TPX2: variants seen among roughly 807,000 people sequenced by gnomAD.
TPX2 encodes the protein TPX2 microtubule nucleation factor.
In TPX2, 21 loss-of-function variants were observed where a neutral mutation model predicts 93.6. That is an observed-to-expected ratio of 0.22 (90% CI 0.16 to 0.32). TPX2 has a LOEUF of 0.32. Ranked by LOEUF, TPX2 falls within the 10% of genes least tolerant of loss-of-function variation. TPX2 has a pLI of 1.00. For missense variants in TPX2, 776 were observed against 871.1 expected (o/e 0.89, Z 1.37); for synonymous variants, 281 against 298.3 (o/e 0.94, Z 0.60).
At chr20:31,764,064 CAT>C (rs566187838) in intron 4 of TPX2, among the ~76,000 whole-genome samples, 4 of 151,446 alleles carry the variant, frequency 2.6e-5, no homozygotes, top group African/African-American at 9.7e-5. Context: ...CACATACACA[CAT>C]ATATATACAC....
At chr20:31,743,688 G>A (rs1288304216) in intron 2 of TPX2, among the ~76,000 whole-genome samples, 1 of 150,468 alleles carries the variant, frequency 6.6e-6, no homozygotes, top group Middle Eastern at 3.5e-3. Context: ...AAGAGACCCT[G>A]TCTCAAAAAA....
intron 10 of TPX2, among the ~76,000 whole-genome samples, chr20:31,781,253 C>CTTTTTTTTT (rs1007150417): frequency 7.7e-5 from 9 of 116,768 alleles, no homozygotes; most frequent in African/African-American, 3.3e-4. Flanking sequence ...GGCCTTATAT[C>CTTTTTTTTT]TTTTTTTTTT....
At chr20:31,748,834 A>G (rs1373829873) in intron 2 of TPX2, among the ~76,000 whole-genome samples, 2 of 152,190 alleles carry the variant, frequency 1.3e-5, no homozygotes, top group African/African-American at 2.4e-5. Flanking sequence ...TGCAGTTTAA[A>G]CGAGATGATT....
chr20:31,782,715 C>G (rs1321623178), intron 11 of TPX2, among the ~76,000 whole-genome samples: 1 of 151,964 alleles, frequency 6.6e-6, no homozygotes, highest in Non-Finnish European at 1.5e-5. Context: ...TGGTGAAACC[C>G]CATCTCTACA....
chr20:31,744,946 G>A (rs1007941997), intron 2 of TPX2, among the ~76,000 whole-genome samples: 3 of 152,036 alleles, frequency 2.0e-5, no homozygotes, highest in African/African-American at 4.8e-5. Context: ...AATTAGCCAG[G>A]CATGATGACG....
At chr20:31,794,588 G>A (rs564831775) in intron 15 of TPX2, 40 bp downstream of exon 15, 20 of 1,605,896 alleles carry the variant, frequency 1.2e-5, no homozygotes, top group Non-Finnish European at 1.5e-5. Flanking sequence ...TAATTGCTTG[G>A]TTGGTTGATT....
intron 8 of TPX2, among the ~76,000 whole-genome samples, chr20:31,777,058 A>C (rs1269084389): frequency 6.6e-6 from 1 of 152,202 alleles, no homozygotes; most frequent in Non-Finnish European, 1.5e-5. Context: ...TTATTGGTGG[A>C]GTCATAACTA....
intron 12 of TPX2, among the ~76,000 whole-genome samples, chr20:31,784,275 G>A (rs776446928): frequency 2.6e-5 from 4 of 152,166 alleles, no homozygotes; most frequent in Non-Finnish European, 5.9e-5. Context: ...TAGTTATTGT[G>A]TTGCTATTGT....
chr20:31,754,300 C>T (rs1046032295), intron 2 of TPX2, among the ~76,000 whole-genome samples: 1 of 151,960 alleles, frequency 6.6e-6, no homozygotes, highest in Non-Finnish European at 1.5e-5. Context: ...AGGCTGTTCT[C>T]GAATTCCTGA....
chr20:31,798,832 A>G (rs1267405862), intron 17 of TPX2, among the ~76,000 whole-genome samples: 1 of 152,244 alleles, frequency 6.6e-6, no homozygotes, highest in Non-Finnish European at 1.5e-5. Flanking sequence ...GACATAAGAC[A>G]GTTGTTCAAA....
At chr20:31,739,828 C>G (rs988822967) in intron 1 of TPX2, among the ~76,000 whole-genome samples, 2 of 152,148 alleles carry the variant, frequency 1.3e-5, no homozygotes, top group African/African-American at 2.4e-5. Flanking sequence ...ATGGGTGATA[C>G]AGTAGCCATG....
At chr20:31,793,434 AC>A (rs1308683827) in intron 13 of TPX2, among the ~76,000 whole-genome samples, 1 of 152,186 alleles carries the variant, frequency 6.6e-6, no homozygotes, top group African/African-American at 2.4e-5. Flanking sequence ...ATCTTGTGTT[AC>A]CAGCTTGAAC....
chr20:31,744,243 A>AC (rs1366696105), intron 2 of TPX2, among the ~76,000 whole-genome samples: 1 of 145,148 alleles, frequency 6.9e-6, no homozygotes, highest in Non-Finnish European at 1.5e-5. Flanking sequence ...GCTCAATGCA[A>AC]CCTCCGCCTC....
Position 31,778,993 on chromosome 20 carries a change from C to G in TPX2, c.1054+9C>G. Reference sequence around the variant, plus strand: ...CAAGAAGGATGATATTAGTAAGTTTCCTACCAGTATCACAGTTGGATGGAA... The same window carrying G: ...CAAGAAGGATGATATTAGTAAGTTTGCTACCAGTATCACAGTTGGATGGAA... On this transcript the variant is annotated intron_variant, in intron 10 of 17. Transcript: ENST00000300403. 6.4e-7 allele frequency: 1 copy of G among 1,565,552 alleles called. No homozygotes were observed. Among genetic ancestry groups the G allele is most frequent in the East Asian group, 2.3e-5 (1 of 43,376 alleles).
chr20:31,742,716 T>A (rs1259902437), intron 2 of TPX2, 69 bp downstream of exon 2: 1 of 152,270 alleles, frequency 6.6e-6, no homozygotes, highest in Non-Finnish European at 1.5e-5. Flanking sequence ...ATGACTAATG[T>A]AATTTTATAA....
chr20:31,789,948 TA>T (rs1364757504), intron 12 of TPX2, among the ~76,000 whole-genome samples: 1 of 152,182 alleles, frequency 6.6e-6, no homozygotes, highest in African/African-American at 2.4e-5. Flanking sequence ...TTTATTTTAT[TA>T]AAAAACCCCA....
intron 4 of TPX2, among the ~76,000 whole-genome samples, chr20:31,764,410 C>G (rs1036552545): frequency 1.2e-4 from 19 of 152,194 alleles, no homozygotes; most frequent in Middle Eastern, 6.8e-3. Context: ...CTCAAGTGCT[C>G]CACCCACCTC....
chr20:31,764,675 T>C (rs912409069), intron 4 of TPX2, among the ~76,000 whole-genome samples: 1 of 152,234 alleles, frequency 6.6e-6, no homozygotes, highest in Non-Finnish European at 1.5e-5. Context: ...GCATTTTAAT[T>C]GGAATAAATG....
chr20:31,793,843 C>T lies in TPX2; in HGVS notation c.1510-5C>T, dbSNP rs961275504. 1.8e-5 allele frequency: 28 copies of T among 1,555,614 alleles called. No individual in the cohort carries two copies. The highest frequency in any genetic ancestry group is 2.4e-5 in the Non-Finnish European group (28 of 1,151,492). Reference sequence around the variant, plus strand: ...CTTATTTCTAAACTGCAATTTTTTCCCTAGGAAGAGGACGAACCGGTAGTG... The same window carrying T: ...CTTATTTCTAAACTGCAATTTTTTCTCTAGGAAGAGGACGAACCGGTAGTG... On this transcript the variant is annotated splice_polypyrimidine_tract_variant and splice_region_variant and intron_variant, in intron 13 of 17. Transcript: ENST00000300403.
Sources: allele counts gnomAD v4.1 joint callset (sites outside exome capture counted in the v4.1 genomes callset), GRCh38; gene constraint gnomAD v4.1.1; transcripts MANE v1.5; gene names NCBI Gene and HGNC (gene_info 2026-07-23, HGNC 2026-07-21).